Variants in CEP112 observed in about 807,000 individuals in gnomAD.
The protein encoded by CEP112 is centrosomal protein 112, also known as centrosomal protein of 112 kDa.
In CEP112, 127 loss-of-function variants were observed where a neutral mutation model predicts 153.0. The ratio of observed to expected loss-of-function variants is 0.83; its 90% CI spans 0.72 to 0.96. The LOEUF is 0.96. Ranked by LOEUF, CEP112 falls within the 40% of genes least tolerant of loss-of-function variation. The pLI is 0.00. For missense variants in CEP112, 1,089 were observed against 1,101.2 expected (o/e 0.99, Z 0.16); for synonymous variants, 358 against 374.4 (o/e 0.96, Z 0.51).
intron 17 of CEP112, among the ~76,000 whole-genome samples, chr17:65,978,461 G>C (rs1352346522): frequency 6.6e-6 from 1 of 152,224 alleles, no homozygotes; most frequent in Non-Finnish European, 1.5e-5. Context: ...TGCAATATTG[G>C]TCAAATTGCT....
At chr17:66,144,361 A>G (rs1292778223) in intron 4 of CEP112, among the ~76,000 whole-genome samples, 1 of 152,140 alleles carries the variant, frequency 6.6e-6, no homozygotes, top group East Asian at 1.9e-4. Flanking sequence ...CTGGCCAAGA[A>G]TATTTCTGAG....
chr17:65,702,645 T>A (rs1169578537), intron 23 of CEP112, among the ~76,000 whole-genome samples: 1 of 152,220 alleles, frequency 6.6e-6, no homozygotes, highest in Non-Finnish European at 1.5e-5. Flanking sequence ...TCATAATAAA[T>A]GTATTAGTCC....
chr17:66,152,511 G>C (rs2071252884), intron 4 of CEP112, among the ~76,000 whole-genome samples: 1 of 152,168 alleles, frequency 6.6e-6, no homozygotes, highest in African/African-American at 2.4e-5. Context: ...AGCCTCTCTA[G>C]ATGGCAAAAT....
rs188523698 is a variant in CEP112 at position 65,913,656 on chromosome 17, C to T, written c.1981-11322G>A. On this transcript the variant is annotated intron_variant, in intron 19 of 26. Coordinates refer to ENST00000535342, the MANE Select transcript of CEP112 (RefSeq NM_001199165.4). ...AAAAGTTTAATGTTGCTGTGATAAC[C>T]GCTGTTAGAGATGGTACCAGGGCCT... The T allele has an allele frequency of 2.3e-3, 2,290 of 985,314 alleles. 3 individuals are homozygous for T. Among genetic ancestry groups the T allele is most frequent in the Non-Finnish European group, 2.7e-3 (2,209 of 829,878 alleles). 61.0% of individuals were successfully genotyped at this position (985,314 alleles called of 1,614,324 possible). A position where few individuals can be genotyped will look rare whatever the true frequency, so the allele number is the denominator to read the frequency against.
At chr17:66,128,430 T>C (rs1230040146) in intron 6 of CEP112, among the ~76,000 whole-genome samples, 1 of 152,134 alleles carries the variant, frequency 6.6e-6, no homozygotes, top group East Asian at 1.9e-4. Flanking sequence ...CCAAGTCAAT[T>C]TCCCTAAAGC....
At chr17:66,028,248 G>T in intron 15 of CEP112, 65 bp downstream of exon 15, 1 of 931,072 alleles carries the variant, frequency 1.1e-6, no homozygotes, top group Non-Finnish European at 1.7e-6. Context: ...GACTCTCAAT[G>T]ATACATCTGA....
At chr17:66,188,325 A>ACACACACT (rs1023195580) in intron 1 of CEP112, among the ~76,000 whole-genome samples, 2 of 141,180 alleles carry the variant, frequency 1.4e-5, no homozygotes, top group Non-Finnish European at 3.1e-5. Context: ...ACACACACAC[A>ACACACACT]CTTTGCCTAA....
chr17:65,713,804 G>T (rs895382791), intron 23 of CEP112, among the ~76,000 whole-genome samples: 1 of 152,054 alleles, frequency 6.6e-6, no homozygotes, highest in Admixed American at 6.5e-5. Flanking sequence ...TAGCCAGGAT[G>T]GTCTCGATCT....
intron 21 of CEP112, among the ~76,000 whole-genome samples, chr17:65,825,975 C>T (rs1391200969): frequency 6.6e-6 from 1 of 152,114 alleles, no homozygotes; most frequent in Non-Finnish European, 1.5e-5. Flanking sequence ...AGATGATGGC[C>T]CTTATTTCTG....
Position 66,153,678 on chromosome 17 carries a change from C to G in CEP112, c.471-20915G>C, listed in dbSNP as rs1004551939. On this transcript the variant is annotated intron_variant, in intron 4 of 26. Coordinates refer to ENST00000535342, the MANE Select transcript of CEP112 (RefSeq NM_001199165.4). The stretch of plus-strand genomic sequence containing the variant: ...AAATGTATATGGAAATGCAAAGAAC[C>G]AAGAATAGCCAAGGCAATCTTGAGG... Among the ~76,000 whole-genome samples, 4 of 151,944 alleles carry G rather than the reference C, an allele frequency of 2.6e-5. No individual in the cohort carries two copies. In the East Asian group the frequency reaches 7.7e-4, roughly 29 times the overall value.
chr17:65,828,635 C>G (rs2056943983), intron 21 of CEP112, among the ~76,000 whole-genome samples: 1 of 152,144 alleles, frequency 6.6e-6, no homozygotes, highest in Non-Finnish European at 1.5e-5. Flanking sequence ...TTCCCTCTTA[C>G]AGCAACTTAG....
At chr17:65,949,925 C>T (rs368906327) in intron 18 of CEP112, among the ~76,000 whole-genome samples, 7 of 152,078 alleles carry the variant, frequency 4.6e-5, no homozygotes, top group African/African-American at 1.7e-4. Flanking sequence ...TTAATCATTT[C>T]TCCATTCTCT....
rs1454108415 is a variant in CEP112, at chr17:65,637,171, C to T, written c.2817G>A (p.Lys939=). ...GTTCTTCCTGAAGGATGGAAGCTCT[C>T]TTTTGCAGAAAATTAACCTAGAAAA... is the stretch of plus-strand genomic sequence containing the variant. The part of the protein sequence containing the change: ...SLKSQVNFLQ[K]RASILQEELT... The change falls in exon 26 of 27, where the codon AAG becomes AAA. Residue 939 remains lysine (K), a synonymous_variant. Coordinates refer to ENST00000535342, the MANE Select transcript of CEP112 (RefSeq NM_001199165.4). 1.2e-6 allele frequency: 2 copies of T among 1,614,002 alleles called. No homozygotes were observed. The highest frequency in any genetic ancestry group is 1.7e-6 in the Non-Finnish European group (2 of 1,179,894).
Position 65,689,110 on chromosome 17 carries a change from A to T in CEP112, c.2697+19T>A. 6.4e-7 allele frequency: 1 copy of T among 1,552,022 alleles called. No individual in the cohort carries two copies. The highest frequency in any genetic ancestry group is 8.9e-7 in the Non-Finnish European group (1 of 1,123,582). On this transcript the variant is annotated intron_variant, in intron 24 of 26. Transcript: ENST00000535342. ...TAGAGAAAGTAAACAAGAGAGTCAA[A>T]TAGTAAAGGAGAGGGTACCTGTTCC...
At chr17:65,924,340 G>A (rs777698931) in intron 19 of CEP112, among the ~76,000 whole-genome samples, 8 of 151,914 alleles carry the variant, frequency 5.3e-5, no homozygotes, top group East Asian at 1.9e-4. Context: ...TAATCCTCCC[G>A]AAACATATGT....
intron 23 of CEP112, among the ~76,000 whole-genome samples, chr17:65,694,002 A>T (rs1246292545): frequency 6.6e-6 from 1 of 152,116 alleles, no homozygotes; most frequent in African/African-American, 2.4e-5. Context: ...CTCCAGAGCT[A>T]TGGGAAATAA....
chr17:65,991,922 C>T (rs2063610967), intron 17 of CEP112, among the ~76,000 whole-genome samples: 1 of 151,752 alleles, frequency 6.6e-6, no homozygotes, highest in African/African-American at 2.4e-5. Context: ...CCTAGCTTTC[C>T]CTGTCTACCA....
chr17:65,661,903 C>T (rs1163761254), intron 24 of CEP112: 1 of 151,986 alleles, frequency 6.6e-6, no homozygotes, highest in Non-Finnish European at 1.5e-5. Flanking sequence ...TTTTTTTACA[C>T]AGCAGATAAA....
chr17:65,680,337 C>G (rs998911038), intron 24 of CEP112, among the ~76,000 whole-genome samples: 1 of 152,140 alleles, frequency 6.6e-6, no homozygotes, highest in African/African-American at 2.4e-5. Context: ...GAGAAAAAGT[C>G]ACTTAGAATA....
Sources: allele counts gnomAD v4.1 joint callset (sites outside exome capture counted in the v4.1 genomes callset), GRCh38; gene constraint gnomAD v4.1.1; transcripts MANE v1.5; gene names NCBI Gene and HGNC (gene_info 2026-07-23, HGNC 2026-07-21).